Variants in KIF13B observed in about 807,000 individuals in gnomAD.
KIF13B encodes kinesin-like protein KIF13B.
A neutral mutation model predicts 222.0 loss-of-function variants in KIF13B; 127 were observed. The ratio of observed to expected loss-of-function variants is 0.57; its 90% confidence interval spans 0.50 to 0.66. KIF13B has a LOEUF of 0.66. KIF13B is among the 30% of genes least tolerant of loss of function. The probability of loss-of-function intolerance (pLI) is 0.00; values close to 1 mark genes in which losing one functional copy is unlikely to be tolerated. For synonymous variants in KIF13B, 976 were observed against 919.0 expected, an observed-to-expected ratio of 1.06 and a Z score of -1.12; for missense variants, 2,173 against 2,379.0, an observed-to-expected ratio of 0.91 and a Z score of 1.80.
intron 1 of KIF13B, chr8:29,250,197 C>T: frequency 2.3e-6 from 1 of 438,222 alleles, no homozygotes; most frequent in Admixed American, 2.8e-5. Flanking sequence ...CACAGAAGAA[C>T]TCTAAGTGCC....
intron 11 of KIF13B, among the ~76,000 whole-genome samples, chr8:29,166,941 A>G (rs1202641950): frequency 6.6e-6 from 1 of 152,210 alleles, no homozygotes; most frequent in Non-Finnish European, 1.5e-5. Context: ...GAAAAGCTAG[A>G]TTATGAAGGT....
intron 10 of KIF13B, among the ~76,000 whole-genome samples, chr8:29,172,365 A>G (rs1231570929): frequency 6.6e-6 from 1 of 151,872 alleles, no homozygotes; most frequent in Non-Finnish European, 1.5e-5. Context: ...TACAGGTGTG[A>G]GCCACCATGC....
Position 29,196,200 on chromosome 8 carries a change from C to G in KIF13B, c.150-1G>C. 6.4e-7 allele frequency: 1 copy of G among 1,563,288 alleles called. No homozygotes were observed. Reference sequence around the variant, plus strand: ...CAAATCTCTTACCTTCGGCTGGCCCCTGAGCTCCCAAAACAGATGTCATCA... The same window carrying G: ...CAAATCTCTTACCTTCGGCTGGCCCGTGAGCTCCCAAAACAGATGTCATCA... On this transcript the variant is annotated splice_acceptor_variant, in intron 2 of 39. Coordinates refer to ENST00000524189, the MANE Select transcript of KIF13B (RefSeq NM_015254.4). LOFTEE classifies it high-confidence loss of function.
chr8:29,110,876 G>A (rs1293825979), intron 32 of KIF13B, among the ~76,000 whole-genome samples: 1 of 152,152 alleles, frequency 6.6e-6, no homozygotes, highest in Non-Finnish European at 1.5e-5. Context: ...TTATAATAAT[G>A]CCAAAACTAC....
At chr8:29,162,419 A>C (rs902153564) in intron 12 of KIF13B, among the ~76,000 whole-genome samples, 6 of 152,228 alleles carry the variant, frequency 3.9e-5, no homozygotes, top group Non-Finnish European at 7.3e-5. Context: ...CTTTAAATCC[A>C]GTTCTAACAA....
intron 35 of KIF13B, among the ~76,000 whole-genome samples, chr8:29,107,698 C>T (rs913860443): frequency 6.6e-6 from 1 of 151,672 alleles, no homozygotes; most frequent in Non-Finnish European, 1.5e-5. Context: ...GTAGCTGGGA[C>T]TACAGGTGCC....
chr8:29,223,183 A>C (rs1586947948), intron 2 of KIF13B, among the ~76,000 whole-genome samples: 1 of 150,866 alleles, frequency 6.6e-6, no homozygotes, highest in South Asian at 2.1e-4. Context: ...AAAAAACAAA[A>C]AAAAAAACTT....
chr8:29,198,521 C>T (rs1003613986), intron 2 of KIF13B, among the ~76,000 whole-genome samples: 1 of 152,116 alleles, frequency 6.6e-6, no homozygotes, highest in African/African-American at 2.4e-5. Context: ...TGGGGTTTCA[C>T]CATGTTGGCC....
chr8:29,109,939 CAGG>C lies in KIF13B; in HGVS notation c.4059_4061del (p.Leu1354del). On this transcript the variant is annotated inframe_deletion, in exon 33 of 40. Coordinates refer to ENST00000524189, the MANE Select transcript of KIF13B (RefSeq NM_015254.4). Reference sequence around the variant, plus strand: ...TAACCTGGCGCAGACGATCTAAAGTCAGGAGGTTTTCTACAGCCAGCACGCTCC... The same window carrying C: ...TAACCTGGCGCAGACGATCTAAAGTCAGGTTTTCTACAGCCAGCACGCTCC... 1 of 1,613,662 alleles carries C rather than the reference CAGG, an allele frequency of 6.2e-7. No individual in the cohort carries two copies. The highest frequency in any genetic ancestry group is 1.3e-5 in the African/African-American group (1 of 75,040).
chr8:29,152,737 G>A (rs767956598), intron 14 of KIF13B, among the ~76,000 whole-genome samples: 27 of 152,128 alleles, frequency 1.8e-4, no homozygotes, highest in Non-Finnish European at 3.1e-4. Context: ...TCAACCTCTC[G>A]AGTAGCTGGG....
At chr8:29,100,122 G>A (rs1386018444) in intron 35 of KIF13B, among the ~76,000 whole-genome samples, 1 of 152,212 alleles carries the variant, frequency 6.6e-6, no homozygotes. Flanking sequence ...AATGATGGAA[G>A]TCTCTGAATT....
At chr8:29,113,958 T>A (rs1046005410) in intron 31 of KIF13B, among the ~76,000 whole-genome samples, 4 of 152,180 alleles carry the variant, frequency 2.6e-5, no homozygotes, top group Non-Finnish European at 4.4e-5. Flanking sequence ...ACGATGGACA[T>A]CTCGTACCAT....
At chr8:29,259,579 T>C (rs532049367) in intron 1 of KIF13B, among the ~76,000 whole-genome samples, 1 of 152,344 alleles carries the variant, frequency 6.6e-6, no homozygotes, top group East Asian at 1.9e-4. Flanking sequence ...CAATCAATGT[T>C]TGCTTACCTA....
intron 13 of KIF13B, among the ~76,000 whole-genome samples, chr8:29,159,925 GTTAGCT>G (rs555028054): frequency 3.7e-4 from 56 of 152,324 alleles, no homozygotes; most frequent in African/African-American, 1.3e-3. Flanking sequence ...TAGTCAGCCT[GTTAGCT>G]TTACTTTCCT....
chr8:29,113,602 G>A, intron 31 of KIF13B, 47 bp from the exon 32 acceptor site: 1 of 1,132,254 alleles, frequency 8.8e-7, no homozygotes, highest in Admixed American at 2.1e-5. Context: ...CTGAAAAACT[G>A]AGTTTACATT....
Position 29,229,447 on chromosome 8 carries a change from C to T in KIF13B, c.149+15899G>A, listed in dbSNP as rs115807849. Among the ~76,000 whole-genome samples the T allele has an allele frequency of 2.0e-3, 308 of 152,232 alleles. 1 individual carries two copies. Among genetic ancestry groups the T allele is most frequent in the African/African-American group, 6.2e-3 (258 of 41,526 alleles). On this transcript the variant is annotated intron_variant, in intron 2 of 39. Transcript: ENST00000524189. ...TGAGATAACAATGTGATGCCTATAT[C>T]GTTTGTTGTAAGATGTCATGAGAAC...
chr8:29,240,937 A>T (rs1349271846), intron 2 of KIF13B, among the ~76,000 whole-genome samples: 1 of 152,180 alleles, frequency 6.6e-6, no homozygotes, highest in East Asian at 1.9e-4. Context: ...TTATCATATG[A>T]CCCAGAAGCG....
At chr8:29,221,997 T>C (rs970724842) in intron 2 of KIF13B, among the ~76,000 whole-genome samples, 1 of 152,162 alleles carries the variant, frequency 6.6e-6, no homozygotes, top group Admixed American at 6.5e-5. Context: ...CCCCAAAGAA[T>C]TTTGTTCTAA....
chr8:29,220,324 C>T (rs1444268945), intron 2 of KIF13B, among the ~76,000 whole-genome samples: 1 of 152,160 alleles, frequency 6.6e-6, no homozygotes, highest in Non-Finnish European at 1.5e-5. Context: ...CTCTACGGGG[C>T]TGTAAACTGG....
Sources: allele counts gnomAD v4.1 joint callset (sites outside exome capture counted in the v4.1 genomes callset), GRCh38; gene constraint gnomAD v4.1.1; transcripts MANE v1.5; gene names NCBI Gene and HGNC (gene_info 2026-07-23, HGNC 2026-07-21).